FAM227A: variants seen among roughly 807,000 people sequenced by gnomAD.
The protein encoded by FAM227A is family with sequence similarity 227 member A.
FAM227A carries 80 observed loss-of-function variants against 74.7 expected under a neutral mutation model. The ratio of observed to expected loss-of-function variants is 1.07; its 90% CI spans 0.89 to 1.29. FAM227A has a LOEUF of 1.29. Among genes scored for constraint, FAM227A ranks in the 50% most tolerant of loss-of-function variants. FAM227A has a pLI of 0.00. For synonymous variants in FAM227A, 237 were observed against 241.8 expected (o/e 0.98, Z 0.19); for missense variants, 654 against 683.4 (o/e 0.96, Z 0.48).
intron 5 of FAM227A, among the ~76,000 whole-genome samples, chr22:38,638,326 T>G (rs2092046029): frequency 6.6e-6 from 1 of 152,164 alleles, no homozygotes. Flanking sequence ...CATGACCCTG[T>G]GACAAGTCAC....
chr22:38,591,561 C>T (rs757668707), intron 15 of FAM227A, 21 bp from the exon 16 acceptor site: 57 of 1,513,416 alleles, frequency 3.8e-5, no homozygotes, highest in Admixed American at 1.3e-4. Flanking sequence ...AACACAGAGA[C>T]ATATGGAAAA....
intron 10 of FAM227A, among the ~76,000 whole-genome samples, chr22:38,621,561 C>T (rs781406705): frequency 1.3e-5 from 2 of 151,868 alleles, no homozygotes; most frequent in Admixed American, 6.6e-5. Context: ...GCTGAGATTG[C>T]GCCATTGCAC....
At chr22:38,613,299 AT>A (rs1453626284) in intron 11 of FAM227A, among the ~76,000 whole-genome samples, 1 of 85,190 alleles carries the variant, frequency 1.2e-5, no homozygotes, top group African/African-American at 5.3e-5. Context: ...TATATATCAT[AT>A]ATAATATATA....
chr22:38,625,111 C>G (rs751306368), intron 9 of FAM227A, among the ~76,000 whole-genome samples: 1 of 151,980 alleles, frequency 6.6e-6, no homozygotes, highest in Non-Finnish European at 1.5e-5. Context: ...AGACATCTGC[C>G]GGGTATGGTG....
chr22:38,640,986 T>C (rs1469675951), intron 3 of FAM227A, among the ~76,000 whole-genome samples: 3 of 152,082 alleles, frequency 2.0e-5, no homozygotes, highest in African/African-American at 2.4e-5. Flanking sequence ...TTAAGTAAGC[T>C]GAAATTTAAG....
chr22:38,610,587 G>A (rs1381872800), intron 11 of FAM227A, among the ~76,000 whole-genome samples: 2 of 152,158 alleles, frequency 1.3e-5, no homozygotes, highest in Non-Finnish European at 2.9e-5. Flanking sequence ...ACCTTGCAGG[G>A]CTGTTGTAAG....
intron 11 of FAM227A, among the ~76,000 whole-genome samples, chr22:38,614,980 C>T (rs781304212): frequency 7.9e-5 from 12 of 152,124 alleles, no homozygotes; most frequent in African/African-American, 2.2e-4. Flanking sequence ...ACCTCATTCA[C>T]GAAGTCCAGA....
intron 13 of FAM227A, among the ~76,000 whole-genome samples, chr22:38,601,683 G>A (rs1250449058): frequency 6.6e-6 from 1 of 152,092 alleles, no homozygotes; most frequent in African/African-American, 2.4e-5. Context: ...CCCAGGACTT[G>A]GTGATTGCAG....
intron 8 of FAM227A, 86 bp from the exon 9 acceptor site, chr22:38,626,389 T>TA (rs1199018099): frequency 1.2e-5 from 17 of 1,435,260 alleles, no homozygotes; most frequent in Admixed American, 8.0e-5. Context: ...CTTTCTTTTT[T>TA]TATATATAGT....
At position 38,623,267 on chromosome 22, in the gene FAM227A, C is replaced by A. The variant is rs1302235517; in HGVS notation, c.863G>T (p.Ser288Ile). 4 of 1,551,090 alleles carry A rather than the reference C, an allele frequency of 2.6e-6. No homozygotes were observed. Among genetic ancestry groups the A allele is most frequent in the Non-Finnish European group, 3.5e-6 (4 of 1,146,616 alleles). The part of the protein sequence containing the change: ...MSLWISGTYP[S>I]PQSYDSWDYS... ...GTCCCAGCTGTCATAGCTCTGTGGG[C>A]TAGGATAGGTGCCTAAGGGAGGAGT... Residue 288 changes from serine to isoleucine, a missense_variant, in exon 10 of 17, where the codon AGC (serine) becomes ATC (isoleucine). By Grantham distance (142) the Ser-to-Ile change is moderately radical. Transcript: ENST00000535113.
chr22:38,619,996 G>GC (rs2091653302), intron 11 of FAM227A, among the ~76,000 whole-genome samples: 1 of 152,098 alleles, frequency 6.6e-6, no homozygotes, highest in Non-Finnish European at 1.5e-5. Flanking sequence ...CTCAATCGCT[G>GC]CATTTCTGTG....
At chr22:38,612,571 C>T (rs142833446) in intron 11 of FAM227A, among the ~76,000 whole-genome samples, 41 of 152,244 alleles carry the variant, frequency 2.7e-4, no homozygotes, top group Non-Finnish European at 5.1e-4. Flanking sequence ...ATGTGAAACC[C>T]ATCCCCAAGG....
intron 5 of FAM227A, 93 bp downstream of exon 5, chr22:38,638,653 C>G: frequency 1.1e-6 from 1 of 909,612 alleles, no homozygotes; most frequent in Non-Finnish European, 1.7e-6. Context: ...AATCACTACC[C>G]AGGCACCAAG....
chr22:38,620,016 T>TAG (rs1184190105), intron 11 of FAM227A, among the ~76,000 whole-genome samples, 196 bp downstream of exon 11: 1 of 152,166 alleles, frequency 6.6e-6, no homozygotes, highest in African/African-American at 2.4e-5. Flanking sequence ...GAATGCCCCT[T>TAG]AGTATGCCAC....
chr22:38,598,713 T>C (rs2091104907), intron 14 of FAM227A, among the ~76,000 whole-genome samples: 1 of 152,302 alleles, frequency 6.6e-6, no homozygotes, highest in African/African-American at 2.4e-5. Flanking sequence ...GTTGTGTCTG[T>C]AATCTGCATA....
chr22:38,638,156 C>A (rs2092042574), intron 5 of FAM227A, among the ~76,000 whole-genome samples: 1 of 152,078 alleles, frequency 6.6e-6, no homozygotes, highest in African/African-American at 2.4e-5. Flanking sequence ...CAGAGAGAGA[C>A]CCCATCTCAA....
chr22:38,616,697 T>C (rs1032987539), intron 11 of FAM227A, among the ~76,000 whole-genome samples: 1 of 138,440 alleles, frequency 7.2e-6, no homozygotes, highest in South Asian at 2.3e-4. Flanking sequence ...AGTTCTGGAG[T>C]GAAAGGGAGC....
chr22:38,638,960 G>C, intron 4 of FAM227A, 138 bp from the exon 5 acceptor site: 1 of 580,392 alleles, frequency 1.7e-6, no homozygotes, highest in South Asian at 2.3e-5. Context: ...GGTCCCAACT[G>C]TGTTGCCGAC....
chr22:38,634,610 GT>G (rs1274425937), intron 6 of FAM227A, among the ~76,000 whole-genome samples: 1 of 152,160 alleles, frequency 6.6e-6, no homozygotes, highest in Non-Finnish European at 1.5e-5. Flanking sequence ...CCACCCAGAT[GT>G]ACTGCTTTCC....
Sources: gnomAD v4.1 joint callset for allele counts (sites outside exome capture counted in the v4.1 genomes callset) on GRCh38, gnomAD v4.1.1 for gene constraint, MANE v1.5 for transcripts, NCBI Gene and HGNC (gene_info 2026-07-23, HGNC 2026-07-21) for gene names.